LIAT1: variants seen among roughly 807,000 people sequenced by gnomAD.
The protein encoded by LIAT1 is protein LIAT1.
the LIAT1 span, chr17:410,602 A>G: frequency 1.3e-6 from 2 of 1,545,134 alleles, no homozygotes; most frequent in Non-Finnish European, 1.7e-6. Context: ...AAGGTGAAGA[A>G]GAAAAAAAGG....
chr17:410,695 C>T, the LIAT1 span: 1 of 1,496,826 alleles, frequency 6.7e-7, no homozygotes, highest in African/African-American at 1.4e-5. Flanking sequence ...TCCCTGGAGA[C>T]TCTTTGGGGA....
the LIAT1 span, chr17:413,017 C>A: frequency 9.9e-7 from 1 of 1,006,396 alleles, no homozygotes; most frequent in Non-Finnish European, 1.4e-6. Flanking sequence ...GGCTGGTGGG[C>A]TTGGCAGCCT....
chr17:410,539 G>A, the LIAT1 span: 2 of 1,546,190 alleles, frequency 1.3e-6, no homozygotes, highest in African/African-American at 1.4e-5. Flanking sequence ...GCGGGCCCGC[G>A]GGGGTCTAGA....
chr17:413,199 A>G, the LIAT1 span: 4 of 1,614,186 alleles, frequency 2.5e-6, no homozygotes, highest in African/African-American at 2.7e-5. Flanking sequence ...TCCTCCTTTC[A>G]TGACATCTTA....
chr17:413,056 C>A, the LIAT1 span: 1 of 1,486,598 alleles, frequency 6.7e-7, no homozygotes, highest in Non-Finnish European at 9.1e-7. Context: ...GGCCCCCATC[C>A]TCCTCTTCCA....
At chr17:414,047 C>G in the LIAT1 span, 1 of 1,614,200 alleles carries the variant, frequency 6.2e-7, no homozygotes, top group Non-Finnish European at 8.5e-7. The surrounding 1 kb of genome is among the most constrained non-coding windows in gnomAD (Gnocchi z 4.1). Flanking sequence ...GTGCCCCAAT[C>G]TCTGTTTTGA....
the LIAT1 span, chr17:414,125 C>T: frequency 6.2e-7 from 1 of 1,606,560 alleles, no homozygotes; most frequent in Non-Finnish European, 8.5e-7. The surrounding 1 kb of genome is among the most constrained non-coding windows in gnomAD (Gnocchi z 4.1). Context: ...AAAATCTACC[C>T]ACGACGCTCA....
chr17:414,045 ATC>A, the LIAT1 span: 24 of 1,614,174 alleles, frequency 1.5e-5, no homozygotes, highest in East Asian at 4.7e-4. The surrounding 1 kb of genome is among the most constrained non-coding windows in gnomAD (Gnocchi z 4.1). Flanking sequence ...GAGTGCCCCA[ATC>A]TCTGTTTTGA....
At chr17:414,388 C>G in the LIAT1 span, 6 of 445,950 alleles carry the variant, frequency 1.3e-5, no homozygotes, top group African/African-American at 2.0e-5. This position sits in a 1 kb window ranked among gnomAD's most constrained non-coding sequence, Gnocchi z 4.1. Flanking sequence ...CTCACCACAG[C>G]TAGATGTCTA....
At chr17:410,687 C>T in the LIAT1 span, 2 of 1,520,198 alleles carry the variant, frequency 1.3e-6, no homozygotes, top group South Asian at 1.2e-5. Flanking sequence ...GCTCCGGTTC[C>T]CTGGAGACTC....
chr17:413,181 C>A, the LIAT1 span: 1 of 1,614,154 alleles, frequency 6.2e-7, no homozygotes, highest in Non-Finnish European at 8.5e-7. Context: ...AAGAGCCAGC[C>A]GCTTTCTTCC....
chr17:411,615 C>T, the LIAT1 span, among the ~76,000 whole-genome samples: 280 of 152,308 alleles, frequency 1.8e-3, no homozygotes, highest in Non-Finnish European at 3.4e-3. Context: ...ACTGTTAATA[C>T]GTTATCCATT....
At chr17:413,717 C>T in the LIAT1 span, 1 of 1,589,894 alleles carries the variant, frequency 6.3e-7, no homozygotes, top group Non-Finnish European at 8.5e-7. Context: ...CCCCGAGGCC[C>T]TCAAGGGCTT....
At chr17:413,735 G>A in the LIAT1 span, 263 of 1,583,624 alleles carry the variant, frequency 1.7e-4, 6 homozygotes, top group African/African-American at 3.6e-3. Context: ...CTTCCACCCC[G>A]ACCCCAAGGC....
At chr17:410,330 A>C in the LIAT1 span, 1 of 1,457,182 alleles carries the variant, frequency 6.9e-7, no homozygotes, top group Non-Finnish European at 8.9e-7. Flanking sequence ...CAGGCGCAGC[A>C]GGGGTGGTCG....
chr17:411,533 TCAAA>T, the LIAT1 span, among the ~76,000 whole-genome samples: 3 of 151,992 alleles, frequency 2.0e-5, no homozygotes, highest in African/African-American at 7.3e-5. Flanking sequence ...ACCCTGTCTC[TCAAA>T]AAAACAAACA....
At chr17:414,157 C>T in the LIAT1 span, 3 of 1,582,838 alleles carry the variant, frequency 1.9e-6, no homozygotes, top group Non-Finnish European at 2.6e-6. The surrounding 1 kb of genome is among the most constrained non-coding windows in gnomAD (Gnocchi z 4.1). Context: ...TTCCTCCTCA[C>T]CACAAGTTTA....
At chr17:413,137 C>G in the LIAT1 span, 3 of 1,612,816 alleles carry the variant, frequency 1.9e-6, no homozygotes, top group African/African-American at 2.7e-5. Context: ...ACCTGCTCAT[C>G]TACTCAGCAG....
the LIAT1 span, chr17:410,444 C>A: frequency 6.5e-7 from 1 of 1,538,750 alleles, no homozygotes; most frequent in Non-Finnish European, 8.7e-7. Flanking sequence ...TGCAGCCCAG[C>A]GGGCGGCTGG....
Sources: gnomAD v4.1 joint callset for allele counts (sites outside exome capture counted in the v4.1 genomes callset) on GRCh38, gnomAD v4.1.1 for gene constraint, Gnocchi (gnomAD v3.1) non-coding constraint, MANE v1.5 for transcripts, NCBI Gene and HGNC (gene_info 2026-07-23, HGNC 2026-07-21) for gene names.